The following SMAP1 variants were observed in gnomAD, a reference collection of about 807,000 sequenced individuals.
SMAP1 encodes the protein stromal membrane-associated protein 1.
Under a neutral mutation model 58.5 loss-of-function variants are expected in SMAP1, and 24 were observed. That is an observed-to-expected ratio of 0.41 (90% CI 0.30 to 0.58). The LOEUF (loss-of-function observed/expected upper bound fraction) is 0.58. Ranked by LOEUF, SMAP1 falls within the 20% of genes least tolerant of loss-of-function variation. The pLI is 0.29. For missense variants in SMAP1, 563 were observed against 566.3 expected (o/e 0.99, Z 0.06); for synonymous variants, 216 against 196.6 (o/e 1.10, Z -0.82).
intron 10 of SMAP1, chr6:70,858,829 A>G (rs1022097069): frequency 6.5e-6 from 1 of 152,840 alleles, no homozygotes; most frequent in African/African-American, 2.4e-5. Context: ...TTATGTTTAA[A>G]AAGAGTACAA....
chr6:70,751,192 A>T (rs564972302), intron 2 of SMAP1, among the ~76,000 whole-genome samples: 1 of 152,208 alleles, frequency 6.6e-6, no homozygotes, highest in Non-Finnish European at 1.5e-5. Context: ...GTGAGCCAAG[A>T]TTGTGCCACT....
chr6:70,836,799 CAAAT>C, intron 6 of SMAP1, 138 bp from the exon 7 acceptor site: 4 of 675,216 alleles, frequency 5.9e-6, no homozygotes, highest in Non-Finnish European at 6.9e-6. Flanking sequence ...TTGTATATGA[CAAAT>C]AATATTCTAG....
chr6:70,768,750 T>G (rs1307233453), intron 3 of SMAP1, among the ~76,000 whole-genome samples: 1 of 152,222 alleles, frequency 6.6e-6, no homozygotes, highest in Non-Finnish European at 1.5e-5. Context: ...CTCTATTTCC[T>G]TCAGTTCTGC....
chr6:70,772,207 ATCAGTG>A (rs1376116553), intron 3 of SMAP1, among the ~76,000 whole-genome samples: 2 of 152,224 alleles, frequency 1.3e-5, no homozygotes, highest in African/African-American at 4.8e-5. Flanking sequence ...TTTTTGTTTC[ATCAGTG>A]TCGTAAGAAA....
At chr6:70,849,176 TG>T (rs149480523) in intron 7 of SMAP1, among the ~76,000 whole-genome samples, 2 of 152,066 alleles carry the variant, frequency 1.3e-5, no homozygotes, top group Non-Finnish European at 1.5e-5. Flanking sequence ...CTCAGGTTTT[TG>T]GGGGGGTATG....
rs1268030736 is a variant in SMAP1, at chr6:70,859,403, A to G, written c.1270-797A>G. On this transcript the variant is annotated intron_variant, in intron 10 of 10. Coordinates refer to ENST00000370455, the MANE Select transcript of SMAP1 (RefSeq NM_001044305.3). ...ACTGGCCAATGACAAGGTGGTTAAA[A>G]TGTCCTTTAGTAGGTATGAAGACGT... 5 of 1,548,260 alleles carry G rather than the reference A, an allele frequency of 3.2e-6. No homozygotes were observed. The African/African-American group carries it at 5.5e-5, about 17-fold the overall frequency.
intron 1 of SMAP1, among the ~76,000 whole-genome samples, chr6:70,707,100 G>A (rs1021884861): frequency 6.6e-6 from 1 of 151,976 alleles, no homozygotes; most frequent in African/African-American, 2.4e-5. Flanking sequence ...CTTGTTATAT[G>A]TTAGTTTTAT....
At position 70,757,116 on chromosome 6, in the gene SMAP1, A is replaced by C. The variant is rs373258533; in HGVS notation, c.338+2051A>C. Among the ~76,000 whole-genome samples the C allele has an allele frequency of 8.6e-4, 131 of 152,052 alleles. No homozygotes were observed. In the South Asian group the frequency reaches 0.014, roughly 16 times the overall value. On this transcript the variant is annotated intron_variant, in intron 3 of 10. Transcript: ENST00000370455. ...AGGCATCACACTACCTGACTTCAAA[A>C]TATACTACAAGGCTACAGTAACCAA...
At chr6:70,733,971 G>A (rs1031352033) in intron 2 of SMAP1, among the ~76,000 whole-genome samples, 2 of 151,630 alleles carry the variant, frequency 1.3e-5, no homozygotes, top group Non-Finnish European at 2.9e-5. Flanking sequence ...GTTTTCTTTG[G>A]CATAGGTTAC....
chr6:70,775,967 T>TAATAGATTGAGC lies in SMAP1; in HGVS notation c.414+2544_414+2555dup, dbSNP rs1374046113. Among the ~76,000 whole-genome samples the TAATAGATTGAGC allele has an allele frequency of 3.9e-5, 6 of 152,324 alleles. No homozygotes were observed. The East Asian group carries it at 5.8e-4, about 15-fold the overall frequency. On this transcript the variant is annotated intron_variant, in intron 4 of 10. Coordinates refer to ENST00000370455, the MANE Select transcript of SMAP1 (RefSeq NM_001044305.3). ...TTTCTGTTCAGTGTTTCATCTTCAG[T>TAATAGATTGAGC]AATAGATTGAGCACTCATCCAAATA...
At chr6:70,835,385 C>T (rs1356093463) in intron 6 of SMAP1, among the ~76,000 whole-genome samples, 2 of 151,822 alleles carry the variant, frequency 1.3e-5, no homozygotes, top group Non-Finnish European at 2.9e-5. Context: ...GTTAACGTAT[C>T]TCTAATAGCT....
chr6:70,823,595 A>T (rs1769987444), intron 6 of SMAP1, among the ~76,000 whole-genome samples: 1 of 152,180 alleles, frequency 6.6e-6, no homozygotes. Flanking sequence ...ATAATCCACA[A>T]ATGCTCAAGT....
rs79591122 is a variant in SMAP1, at chr6:70,711,478, G to A, written c.119-20900G>A. Among the ~76,000 whole-genome samples, 381 of 147,964 alleles carry A rather than the reference G, an allele frequency of 2.6e-3. 2 individuals carry two copies. The highest frequency in any genetic ancestry group is 9.2e-3 in the African/African-American group (374 of 40,526). ...GTATAAATAAATGCAGCTGATTTTT[G>A]TATGTTGATTTTGTGTTTTACTTTA... On this transcript the variant is annotated intron_variant, in intron 1 of 10. Coordinates refer to ENST00000370455, the MANE Select transcript of SMAP1 (RefSeq NM_001044305.3).
chr6:70,668,253 C>T (rs1766114463), intron 1 of SMAP1, 112 bp downstream of exon 1: 2 of 993,022 alleles, frequency 2.0e-6, no homozygotes, highest in Non-Finnish European at 1.4e-6. Context: ...TGGCCGGCTC[C>T]TGCCCTGACT....
chr6:70,699,257 G>A (rs976707083), intron 1 of SMAP1, among the ~76,000 whole-genome samples: 2 of 152,142 alleles, frequency 1.3e-5, no homozygotes, highest in African/African-American at 4.8e-5. Flanking sequence ...AACAAATGGA[G>A]TCTCTCTCTC....
chr6:70,779,445 T>G (rs1023649792), intron 4 of SMAP1, among the ~76,000 whole-genome samples: 17 of 152,112 alleles, frequency 1.1e-4, no homozygotes, highest in African/African-American at 4.1e-4. Flanking sequence ...TGAGATAGTT[T>G]AGTTGCGTGG....
At chr6:70,832,512 C>T (rs892848362) in intron 6 of SMAP1, among the ~76,000 whole-genome samples, 11 of 152,182 alleles carry the variant, frequency 7.2e-5, no homozygotes. Flanking sequence ...ATGGCAGTAT[C>T]TATGCAAAGA....
intron 3 of SMAP1, among the ~76,000 whole-genome samples, chr6:70,768,647 GT>G: frequency 6.6e-6 from 1 of 151,778 alleles, no homozygotes; most frequent in East Asian, 1.9e-4. Flanking sequence ...CTCTTTTCTT[GT>G]TTATTAGTCT....
chr6:70,766,629 G>A (rs555934139), intron 3 of SMAP1, among the ~76,000 whole-genome samples: 2 of 152,228 alleles, frequency 1.3e-5, no homozygotes, highest in South Asian at 4.2e-4. Context: ...TGAGTTCATT[G>A]TAGATTCTGG....
Sources: allele counts gnomAD v4.1 joint callset (sites outside exome capture counted in the v4.1 genomes callset), GRCh38; gene constraint gnomAD v4.1.1; transcripts MANE v1.5; gene names NCBI Gene and HGNC (gene_info 2026-07-23, HGNC 2026-07-21).